Variants in PHF20 observed in about 807,000 individuals in gnomAD.
PHF20 encodes glioma-expressed antigen 2.
A neutral mutation model predicts 113.5 loss-of-function variants in PHF20; 23 were observed. The observed-to-expected ratio is 0.20, with a 90% CI of 0.15 to 0.29. The LOEUF (loss-of-function observed/expected upper bound fraction) is 0.29, where lower values mean the gene tolerates loss of function less well. PHF20 is among the 10% of genes least tolerant of loss of function. The probability of loss-of-function intolerance (pLI) is 1.00; values close to 1 mark genes in which losing one functional copy is unlikely to be tolerated. For missense variants in PHF20, 943 were observed against 1,219.6 expected (o/e 0.77, Z 3.38); for synonymous variants, 434 against 457.3 (o/e 0.95, Z 0.65).
At chr20:35,789,392 T>G (rs1183761207) in intron 1 of PHF20, among the ~76,000 whole-genome samples, 1 of 149,238 alleles carries the variant, frequency 6.7e-6, no homozygotes, top group Non-Finnish European at 1.5e-5. Context: ...GATTGTGCCA[T>G]TGCACTCCAG....
intron 12 of PHF20, among the ~76,000 whole-genome samples, chr20:35,915,038 AG>A (rs200489546): frequency 0.018 from 2,717 of 147,366 alleles, 87 homozygotes; most frequent in African/African-American, 0.065. Flanking sequence ...GTAAAAAAAA[AG>A]GTAAAATGTT....
At position 35,847,367 on chromosome 20, in the gene PHF20, G is replaced by A. The variant is rs2042643143; in HGVS notation, c.273G>A (p.Glu91=). The A allele has an allele frequency of 6.2e-7, 1 of 1,605,088 alleles. No homozygotes were observed. The highest frequency in any genetic ancestry group is 2.2e-5 in the East Asian group (1 of 44,784). ...EDGSSEFQIN[E]QVLACWSDCR... is the part of the protein sequence containing the mutation. ...TTTTTTAGGAATTTCAAATAAATGA[G>A]CAGGTCCTTGCTTGCTGGTCTGATT... Residue 91 remains glutamate (E), a synonymous_variant, in exon 4 of 18, where the codon GAG becomes GAA. Transcript: ENST00000374012.
At chr20:35,812,752 T>G (rs1600768106) in intron 2 of PHF20, among the ~76,000 whole-genome samples, 1 of 152,156 alleles carries the variant, frequency 6.6e-6, no homozygotes, top group Non-Finnish European at 1.5e-5. Flanking sequence ...ATTATAAAGG[T>G]GTATTTTTCC....
intron 2 of PHF20, among the ~76,000 whole-genome samples, chr20:35,815,262 A>G (rs1057348613): frequency 2.0e-5 from 3 of 152,030 alleles, no homozygotes; most frequent in African/African-American, 7.2e-5. Flanking sequence ...TAGAATATGC[A>G]TGGTGTAACT....
intron 9 of PHF20, among the ~76,000 whole-genome samples, chr20:35,888,888 G>T (rs1027890969): frequency 1.3e-5 from 2 of 151,780 alleles, no homozygotes; most frequent in Non-Finnish European, 2.9e-5. Context: ...ACCAGCTGCT[G>T]CCATGTATGT....
At chr20:35,854,657 C>G (rs531627138) in intron 4 of PHF20, among the ~76,000 whole-genome samples, 1 of 152,034 alleles carries the variant, frequency 6.6e-6, no homozygotes, top group East Asian at 1.9e-4. Context: ...GATCAAAGAC[C>G]GAGATATATC....
intron 2 of PHF20, among the ~76,000 whole-genome samples, chr20:35,810,832 A>G (rs907759789): frequency 6.6e-6 from 1 of 152,172 alleles, no homozygotes; most frequent in African/African-American, 2.4e-5. Context: ...TTGACTTTGA[A>G]TGCTTTGCCA....
chr20:35,803,956 G>A (rs2041833645), intron 2 of PHF20, among the ~76,000 whole-genome samples: 2 of 151,914 alleles, frequency 1.3e-5, no homozygotes, highest in Non-Finnish European at 2.9e-5. Flanking sequence ...CTGGGCTCAA[G>A]TGATCCTCCT....
chr20:35,945,709 C>T (rs989638586), intron 17 of PHF20, among the ~76,000 whole-genome samples: 6 of 152,070 alleles, frequency 3.9e-5, no homozygotes, highest in African/African-American at 1.2e-4. Context: ...GTCAAAGGTG[C>T]AGGGTTCCCA....
chr20:35,887,922 T>C (rs2054767657), intron 9 of PHF20: 1 of 151,072 alleles, frequency 6.6e-6, no homozygotes, highest in Non-Finnish European at 1.5e-5. Context: ...CATTTTAGGG[T>C]TTAACTCCAC....
chr20:35,856,008 G>T (rs1215292571), intron 4 of PHF20, among the ~76,000 whole-genome samples: 1 of 151,794 alleles, frequency 6.6e-6, no homozygotes, highest in East Asian at 1.9e-4. Context: ...AATTATTTTT[G>T]ACTATAGTCA....
At chr20:35,860,936 G>GTGGGTGCCTTACCCAGTGAGGATTTC (rs1225159468) in intron 5 of PHF20, among the ~76,000 whole-genome samples, 13 of 152,146 alleles carry the variant, frequency 8.5e-5, no homozygotes, top group Non-Finnish European at 1.5e-5. Context: ...TGGCTTGGAG[G>GTGGGTGCCTTACCCAGTGAGGATTTC]TGGGTGCCTT....
chr20:35,892,215 G>A (rs1422118485), intron 9 of PHF20, among the ~76,000 whole-genome samples: 11 of 147,490 alleles, frequency 7.5e-5, no homozygotes, highest in African/African-American at 2.7e-4. Context: ...GCACCACCAC[G>A]CCTGGCTGAT....
At chr20:35,924,994 C>G (rs879605983) in intron 13 of PHF20, among the ~76,000 whole-genome samples, 1 of 152,146 alleles carries the variant, frequency 6.6e-6, no homozygotes, top group Admixed American at 6.5e-5. Context: ...TGTACTAATA[C>G]CATACCTCAC....
chr20:35,886,053 A>G (rs1365866883), intron 9 of PHF20, among the ~76,000 whole-genome samples: 1 of 149,978 alleles, frequency 6.7e-6, no homozygotes, highest in Non-Finnish European at 1.5e-5. Context: ...ATGGATTCTT[A>G]TGTCGTTCTA....
chr20:35,787,932 C>A (rs897464072), intron 1 of PHF20, among the ~76,000 whole-genome samples: 1 of 151,696 alleles, frequency 6.6e-6, no homozygotes, highest in Admixed American at 6.6e-5. Flanking sequence ...CCCTTGGCAC[C>A]ACACCCGGCT....
rs1231270596 is a variant in PHF20 at position 35,927,762 on chromosome 20, C to T, written c.2005-18C>T. ...CACCTTCTGAGTTTAATTTTTGTTGCTTCTTTAATTCTAACAGTGTGAAGA... is the reference window on the plus strand; with the variant it reads ...CACCTTCTGAGTTTAATTTTTGTTGTTTCTTTAATTCTAACAGTGTGAAGA... On this transcript the variant is annotated intron_variant, in intron 13 of 17. Transcript: ENST00000374012. 5.7e-6 allele frequency: 9 copies of T among 1,591,238 alleles called. No homozygotes were observed. The highest frequency in any genetic ancestry group is 1.1e-5 in the South Asian group (1 of 90,642).
At chr20:35,871,172 G>C in intron 8 of PHF20, 38 bp downstream of exon 8, 2 of 1,517,292 alleles carry the variant, frequency 1.3e-6, no homozygotes, top group Non-Finnish European at 1.8e-6. Flanking sequence ...TGCCAACCTG[G>C]TTCCTATTTA....
intron 9 of PHF20, chr20:35,878,414 C>T (rs771212391): frequency 1.1e-4 from 50 of 449,290 alleles, no homozygotes; most frequent in Middle Eastern, 1.1e-3. Context: ...TTGGCGTGTG[C>T]GAGATTTTCT....
Sources: allele counts gnomAD v4.1 joint callset (sites outside exome capture counted in the v4.1 genomes callset), GRCh38; gene constraint gnomAD v4.1.1; transcripts MANE v1.5; gene names NCBI Gene and HGNC (gene_info 2026-07-23, HGNC 2026-07-21).